KIF3C: variants seen among roughly 807,000 people sequenced by gnomAD.
The protein encoded by KIF3C is kinesin family member 3C.
Under a neutral mutation model 67.7 loss-of-function variants are expected in KIF3C, and 12 were observed. The observed-to-expected ratio is 0.18, with a 90% CI of 0.11 to 0.29. The LOEUF is 0.29. Among genes scored for constraint, KIF3C ranks in the 10% least tolerant of loss-of-function variants. The probability of loss-of-function intolerance (pLI) is 1.00; values close to 1 mark genes in which losing one functional copy is unlikely to be tolerated. For synonymous variants in KIF3C, 393 were observed against 426.2 expected, an observed-to-expected ratio of 0.92 and a Z score of 0.96; for missense variants, 789 against 1,059.6, an observed-to-expected ratio of 0.74 and a Z score of 3.55.
chr2:25,962,990 T>TATATA (rs1664026617), intron 1 of KIF3C, among the ~76,000 whole-genome samples: 1 of 36,394 alleles, frequency 2.7e-5, no homozygotes, highest in Non-Finnish European at 4.1e-5. Context: ...TAATATATAA[T>TATATA]ATATATAATA....
rs187869455 is a variant in KIF3C, at chr2:25,930,067, T to C, written c.2007-4A>G. On this transcript the variant is annotated splice_region_variant and splice_polypyrimidine_tract_variant and intron_variant, in intron 5 of 7. Coordinates refer to ENST00000264712, the MANE Select transcript of KIF3C (RefSeq NM_002254.8). ...CTTCTTCATCTGGCTGCTACTGCTGTAGGAAAGAGGCTATATTAGAAAGGA... is the reference window on the plus strand; with the variant it reads ...CTTCTTCATCTGGCTGCTACTGCTGCAGGAAAGAGGCTATATTAGAAAGGA... 176 of 1,609,684 alleles carry C rather than the reference T, an allele frequency of 1.1e-4. 1 individual carries two copies. In the African/African-American group the frequency reaches 2.0e-3, roughly 18 times the overall value.
In KIF3C at chr2:25,929,070, A is replaced by G; in HGVS notation, c.2290T>C (p.Cys764Arg). The G allele has an allele frequency of 6.2e-7, 1 of 1,613,394 alleles. No individual in the cohort carries two copies. The highest frequency in any genetic ancestry group is 8.5e-7 in the Non-Finnish European group (1 of 1,179,626). ...TSKVRKSRSW[C>R]QSPQRPPPST... is the part of the protein sequence containing the mutation. ...GGTGGAGGCCGCTGAGGACTCTGGC[A>G]CCTGCAGGGGAGATGACGCAGGCGA... Residue 764 changes from cysteine to arginine, a missense_variant and splice_region_variant, in exon 8 of 8, where the codon TGC becomes CGC. This residue lies in a region of KIF3C where 648 missense variants were observed against 807.8 expected (regional missense o/e 0.80). Transcript: ENST00000264712.
intron 1 of KIF3C, among the ~76,000 whole-genome samples, chr2:25,970,445 A>T (rs1574495907): frequency 6.6e-6 from 1 of 152,058 alleles, no homozygotes; most frequent in African/African-American, 2.4e-5. Context: ...AGGCAGGCGG[A>T]TCAGCTGAGA....
chr2:25,957,149 C>T (rs1375573479), intron 1 of KIF3C, among the ~76,000 whole-genome samples: 1 of 152,194 alleles, frequency 6.6e-6, no homozygotes, highest in Non-Finnish European at 1.5e-5. Context: ...CTATTAGATG[C>T]TGAGCTAAGC....
rs1664545847 is a variant in KIF3C, at chr2:25,980,660, C to T, written c.1258G>A (p.Gly420Arg). 1 of 1,613,958 alleles carries T rather than the reference C, an allele frequency of 6.2e-7. No individual in the cohort carries two copies. The highest frequency in any genetic ancestry group is 1.3e-5 in the African/African-American group (1 of 74,914). ...TCAATCACTGGGCCCTCAGGGTACC[C>T]AGGCGGGGCGGACACGGCCTTCTTC... ...RRKKAVSAPPGYPEGPVIEAW... is the reference protein window; with the variant it reads ...RRKKAVSAPPRYPEGPVIEAW... The change falls in exon 1 of 8, where the codon GGG becomes AGG. Residue 420 changes from glycine to arginine, a missense_variant. By Grantham distance (125) the Gly-to-Arg change is moderately radical (BLOSUM62 -2). This residue lies in a region of KIF3C where 648 missense variants were observed against 807.8 expected (regional missense o/e 0.80). Transcript: ENST00000264712. This position sits in a 1 kb window ranked among gnomAD's most constrained non-coding sequence, Gnocchi z 7.6.
At chr2:25,948,139 T>G (rs1411121947) in intron 5 of KIF3C, among the ~76,000 whole-genome samples, 1 of 152,146 alleles carries the variant, frequency 6.6e-6, no homozygotes, top group African/African-American at 2.4e-5. Flanking sequence ...GGAGGATCAC[T>G]TGAGCCCAGG....
intron 1 of KIF3C, among the ~76,000 whole-genome samples, chr2:25,974,401 A>C (rs370782080): frequency 1.3e-5 from 2 of 150,336 alleles, no homozygotes; most frequent in South Asian, 4.2e-4. Flanking sequence ...AGGTCTTGCT[A>C]TATTGCCCAG....
intron 5 of KIF3C, among the ~76,000 whole-genome samples, chr2:25,931,704 C>G (rs1011755794): frequency 1.3e-4 from 19 of 151,698 alleles, no homozygotes; most frequent in Non-Finnish European, 2.9e-5. Flanking sequence ...GTGGTGCGAT[C>G]TCAGTTCACT....
Position 25,927,691 on chromosome 2 carries a change from A to C in KIF3C, c.*1287T>G, listed in dbSNP as rs1158938898. ...ACTCACACTATTAGGGCACTTTGAA[A>C]TCCTAATTCACTCGCTTGCTTTCGT... On this transcript the variant is annotated 3_prime_UTR_variant, in exon 8 of 8. Transcript: ENST00000264712. 1 of 152,084 alleles carries C rather than the reference A, an allele frequency of 6.6e-6. No individual in the cohort carries two copies. The highest frequency in any genetic ancestry group is 6.6e-5 in the Admixed American group (1 of 15,234). The allele number at this position is 152,084 out of a possible 1,614,324, so 9.4% of individuals were successfully genotyped here. A position where few individuals can be genotyped will look rare whatever the true frequency, so the allele number is the denominator to read the frequency against.
chr2:25,961,499 G>T (rs1451398740), intron 1 of KIF3C, among the ~76,000 whole-genome samples: 1 of 152,160 alleles, frequency 6.6e-6, no homozygotes, highest in Non-Finnish European at 1.5e-5. Flanking sequence ...ACATTTTGGG[G>T]AAAAGGAATC....
Position 25,981,932 on chromosome 2 carries a change from C to G in KIF3C, c.-15G>C. ...TTACTGGCCATCTTGCTGCTCTGACCTTCCTGCCCCCGAGCCCCTCCGCAG... is the reference window on the plus strand; with the variant it reads ...TTACTGGCCATCTTGCTGCTCTGACGTTCCTGCCCCCGAGCCCCTCCGCAG... On this transcript the variant is annotated 5_prime_UTR_variant, in exon 1 of 8. Coordinates refer to ENST00000264712, the MANE Select transcript of KIF3C (RefSeq NM_002254.8). The surrounding 1 kb of genome is among the most constrained non-coding windows in gnomAD (Gnocchi z 8.2). The G allele has an allele frequency of 3.9e-6, 6 of 1,519,324 alleles. No homozygotes were observed. The highest frequency in any genetic ancestry group is 2.8e-5 in the African/African-American group (2 of 72,642). The allele number at this position is 1,519,324 out of a possible 1,614,324, so 94.1% of individuals were successfully genotyped here.
chr2:25,937,883 G>A (rs1171642800), intron 5 of KIF3C, among the ~76,000 whole-genome samples: 2 of 144,682 alleles, frequency 1.4e-5, no homozygotes, highest in African/African-American at 2.6e-5. Context: ...GGTGAAACCC[G>A]GACTCTACTA....
At chr2:25,950,952 G>C (rs1663593981) in intron 5 of KIF3C, among the ~76,000 whole-genome samples, 1 of 151,478 alleles carries the variant, frequency 6.6e-6, no homozygotes, top group South Asian at 2.1e-4. Flanking sequence ...AAATAACCAA[G>C]TAGGCATCTG....
intron 6 of KIF3C, 102 bp from the exon 7 acceptor site, chr2:25,929,579 G>T: frequency 1.1e-6 from 1 of 949,674 alleles, no homozygotes; most frequent in South Asian, 1.4e-5. Context: ...AGGTGGTTAG[G>T]GGAAGCAGAG....
At chr2:25,974,808 C>T (rs1664368884) in intron 1 of KIF3C, among the ~76,000 whole-genome samples, 1 of 151,914 alleles carries the variant, frequency 6.6e-6, no homozygotes, top group Non-Finnish European at 1.5e-5. Context: ...AGGTGGATCA[C>T]CTGAGGTCAG....
intron 4 of KIF3C, 192 bp downstream of exon 4, chr2:25,954,075 G>T (rs1427931895): frequency 9.7e-6 from 6 of 619,822 alleles, no homozygotes; most frequent in Non-Finnish European, 1.7e-5. Context: ...ATTTTGAGGG[G>T]TTCATCAAAT....
At chr2:25,947,240 C>T (rs889346789) in intron 5 of KIF3C, among the ~76,000 whole-genome samples, 1 of 152,180 alleles carries the variant, frequency 6.6e-6, no homozygotes, top group Non-Finnish European at 1.5e-5. Context: ...GCAACATTTA[C>T]ACAATAAAGA....
In KIF3C at chr2:25,961,218, G is replaced by A. The variant is rs185622814; in HGVS notation, c.1546-4774C>T. Reference sequence around the variant, plus strand: ...ACTCCTGGCAAGGCTGCACATCAGAGGTTATTCAAAGTTACATGGGGAGTG... The same window carrying A: ...ACTCCTGGCAAGGCTGCACATCAGAAGTTATTCAAAGTTACATGGGGAGTG... On this transcript the variant is annotated intron_variant, in intron 1 of 7. Coordinates refer to ENST00000264712, the MANE Select transcript of KIF3C (RefSeq NM_002254.8). Among the ~76,000 whole-genome samples, 36 of 152,330 alleles carry A rather than the reference G, an allele frequency of 2.4e-4. No individual in the cohort carries two copies. The East Asian group carries it at 5.8e-3, about 24-fold the overall frequency.
chr2:25,944,192 T>A (rs1280826877), intron 5 of KIF3C, among the ~76,000 whole-genome samples: 1 of 148,138 alleles, frequency 6.8e-6, no homozygotes, highest in Non-Finnish European at 1.5e-5. Flanking sequence ...GGATTACAGG[T>A]GTGATCCACC....
Sources: allele counts gnomAD v4.1 joint callset (sites outside exome capture counted in the v4.1 genomes callset), GRCh38; gene constraint gnomAD v4.1.1; regional missense constraint gnomAD v4.1.1; non-coding constraint Gnocchi (gnomAD v3.1); transcripts MANE v1.5; gene names NCBI Gene and HGNC (gene_info 2026-07-23, HGNC 2026-07-21).